The following DAPL1 variants were observed in gnomAD, a reference collection of about 807,000 sequenced individuals.
The protein encoded by DAPL1 is death-associated protein-like 1.
Under a neutral mutation model 12.9 loss-of-function variants are expected in DAPL1, and 17 were observed. The ratio of observed to expected loss-of-function variants is 1.32; its 90% CI spans 0.90 to 1.98. The LOEUF (loss-of-function observed/expected upper bound fraction) is 1.98. DAPL1 is among the 30% of genes most tolerant of loss of function. The probability of loss-of-function intolerance (pLI) is 0.00; values close to 1 mark genes in which losing one functional copy is unlikely to be tolerated. For synonymous variants in DAPL1, 51 were observed against 42.0 expected (o/e 1.21, Z -0.82); for missense variants, 157 against 125.7 (o/e 1.25, Z -1.19).
At chr2:158,800,081 A>AAAAAAAT (rs1553492202) in intron 1 of DAPL1, among the ~76,000 whole-genome samples, 1 of 145,238 alleles carries the variant, frequency 6.9e-6, no homozygotes, top group African/African-American at 2.5e-5. Context: ...AAAAAAAAAA[A>AAAAAAAT]TTTGGCATTT....
chr2:158,814,326 T>C (rs1472157133), intron 3 of DAPL1, among the ~76,000 whole-genome samples: 3 of 152,212 alleles, frequency 2.0e-5, no homozygotes, highest in Non-Finnish European at 4.4e-5. Flanking sequence ...TAGACTCTAA[T>C]GCAACATTTA....
rs528539691 is a variant in DAPL1, at chr2:158,797,297, T to A, written c.58+1867T>A. 4.6e-5 allele frequency among the ~76,000 whole-genome samples: 7 copies of A among 152,208 alleles called. No individual in the cohort carries two copies. The East Asian group carries it at 1.2e-3, about 25-fold the overall frequency. The stretch of plus-strand genomic sequence containing the variant: ...AGTTTGTTGTAATGATTAAAAGAGA[T>A]CACCTCTGTAAAGTATCTGGCACCT... On this transcript the variant is annotated intron_variant, in intron 1 of 3. Transcript: ENST00000309950.
chr2:158,814,087 A>G (rs777000695), intron 3 of DAPL1, among the ~76,000 whole-genome samples: 1 of 152,216 alleles, frequency 6.6e-6, no homozygotes, highest in Non-Finnish European at 1.5e-5. Flanking sequence ...TCTCTCAAAT[A>G]TGATTTAAAG....
At chr2:158,800,072 A>C (rs1165125734) in intron 1 of DAPL1, among the ~76,000 whole-genome samples, 1 of 129,442 alleles carries the variant, frequency 7.7e-6, no homozygotes, top group Admixed American at 8.1e-5. Flanking sequence ...CAAAAAAAAA[A>C]AAAAAAAAAT....
chr2:158,804,460 T>G, intron 2 of DAPL1, 91 bp downstream of exon 2: 7 of 867,842 alleles, frequency 8.1e-6, no homozygotes, highest in East Asian at 6.2e-5. Flanking sequence ...AGGCTCCCTA[T>G]GCCTTTGGAG....
At chr2:158,797,777 G>T (rs1369498441) in intron 1 of DAPL1, among the ~76,000 whole-genome samples, 1 of 148,976 alleles carries the variant, frequency 6.7e-6, no homozygotes, top group African/African-American at 2.4e-5. Flanking sequence ...GGCAACAAGA[G>T]TGAGACCCCG....
chr2:158,801,583 C>T (rs1559042662), intron 1 of DAPL1, among the ~76,000 whole-genome samples: 1 of 151,450 alleles, frequency 6.6e-6, no homozygotes, highest in Admixed American at 6.6e-5. Flanking sequence ...AAAGAATGTG[C>T]ATATATATAT....
chr2:158,800,322 C>A (rs1277994419), intron 1 of DAPL1, among the ~76,000 whole-genome samples: 1 of 152,164 alleles, frequency 6.6e-6, no homozygotes, highest in Non-Finnish European at 1.5e-5. Flanking sequence ...ATTAGGCAAT[C>A]TATATCATGT....
intron 3 of DAPL1, among the ~76,000 whole-genome samples, chr2:158,813,963 C>G (rs569359793): frequency 2.1e-4 from 32 of 152,296 alleles, no homozygotes; most frequent in African/African-American, 7.7e-4. Context: ...CTCTTACCCT[C>G]CCTTACCTTG....
chr2:158,811,391 G>T (rs1004375963), intron 3 of DAPL1, among the ~76,000 whole-genome samples: 1 of 152,174 alleles, frequency 6.6e-6, no homozygotes, highest in Non-Finnish European at 1.5e-5. Context: ...CGAGTTGGAA[G>T]TTAACACCCT....
At chr2:158,795,707 C>T (rs1350717764) in intron 1 of DAPL1, among the ~76,000 whole-genome samples, 2 of 152,106 alleles carry the variant, frequency 1.3e-5, no homozygotes, top group Middle Eastern at 3.2e-3. Flanking sequence ...GAGGTTGCAC[C>T]TTTCCTCCCT....
intron 1 of DAPL1, among the ~76,000 whole-genome samples, chr2:158,800,949 C>T (rs2059164239): frequency 6.6e-6 from 1 of 152,180 alleles, no homozygotes; most frequent in South Asian, 2.1e-4. Flanking sequence ...AAGCAATTCT[C>T]CTGTCTCAGC....
intron 1 of DAPL1, among the ~76,000 whole-genome samples, chr2:158,799,134 T>C (rs2059151593): frequency 6.6e-6 from 1 of 152,210 alleles, no homozygotes. Context: ...AGCTTCATTT[T>C]CCCCGCTTAA....
At chr2:158,811,691 A>G (rs2059231381) in intron 3 of DAPL1, among the ~76,000 whole-genome samples, 1 of 152,186 alleles carries the variant, frequency 6.6e-6, no homozygotes, top group East Asian at 1.9e-4. Flanking sequence ...CCTTGTACAT[A>G]TACTGGCTTT....
In DAPL1 at chr2:158,815,974, C is replaced by A. The variant is rs1273178012; in HGVS notation, c.*153C>A. 6.5e-6 allele frequency: 4 copies of A among 618,602 alleles called. No homozygotes were observed. The highest frequency in any genetic ancestry group is 1.8e-5 in the African/African-American group (1 of 54,270). 38.3% of individuals were successfully genotyped at this position (618,602 alleles called of 1,614,324 possible). A position where few individuals can be genotyped will look rare whatever the true frequency, so the allele number is the denominator to read the frequency against. The stretch of plus-strand genomic sequence containing the variant: ...CTTTGACTTTAGGTAATAAAGCATC[C>A]AAACTTGTAAATCTGACACATCCCT... On this transcript the variant is annotated 3_prime_UTR_variant, in exon 4 of 4. Transcript: ENST00000309950.
At chr2:158,802,693 T>C (rs1448531823) in intron 1 of DAPL1, among the ~76,000 whole-genome samples, 1 of 152,224 alleles carries the variant, frequency 6.6e-6, no homozygotes, top group Admixed American at 6.5e-5. Context: ...AAACAGTGTG[T>C]TTGTGCACTC....
Position 158,795,345 on chromosome 2 carries a change from A to G in DAPL1, c.-28A>G, listed in dbSNP as rs1254813502. The G allele has an allele frequency of 2.6e-6, 4 of 1,552,284 alleles. No homozygotes were observed. The highest frequency in any genetic ancestry group is 3.5e-6 in the Non-Finnish European group (4 of 1,147,360). On this transcript the variant is annotated 5_prime_UTR_variant, in exon 1 of 4. Transcript: ENST00000309950. ...GCTGGCATTCAGCCTCCAGAGCACC[A>G]GCACTGGCACTGGCACTGGCACACG...
At chr2:158,799,290 A>G (rs1259786346) in intron 1 of DAPL1, among the ~76,000 whole-genome samples, 1 of 152,204 alleles carries the variant, frequency 6.6e-6, no homozygotes, top group African/African-American at 2.4e-5. Context: ...AAATCAGTTC[A>G]TATTTTACTT....
intron 2 of DAPL1, among the ~76,000 whole-genome samples, chr2:158,805,374 G>A (rs2059194877): frequency 6.6e-6 from 1 of 152,144 alleles, no homozygotes; most frequent in Non-Finnish European, 1.5e-5. Context: ...CATGACAAAA[G>A]GGAAGCTGTG....
Sources: allele counts gnomAD v4.1 joint callset (sites outside exome capture counted in the v4.1 genomes callset), GRCh38; gene constraint gnomAD v4.1.1; transcripts MANE v1.5; gene names NCBI Gene and HGNC (gene_info 2026-07-23, HGNC 2026-07-21).